CTNNA3: variants seen among roughly 807,000 people sequenced by gnomAD.
The protein encoded by CTNNA3 is catenin alpha 3.
CTNNA3 carries 76 observed loss-of-function variants against 95.7 expected under a neutral mutation model. The observed-to-expected ratio is 0.79, with a 90% CI of 0.66 to 0.96. The LOEUF (loss-of-function observed/expected upper bound fraction) is 0.96. Ranked by LOEUF, CTNNA3 falls within the 40% of genes least tolerant of loss-of-function variation. The pLI is 0.00. For synonymous variants in CTNNA3, 431 were observed against 374.4 expected, an observed-to-expected ratio of 1.15 and a Z score of -1.74; for missense variants, 1,191 against 1,089.8, an observed-to-expected ratio of 1.09 and a Z score of -1.31.
At chr10:66,230,475 T>C (rs1473267700) in intron 13 of CTNNA3, among the ~76,000 whole-genome samples, 4 of 152,190 alleles carry the variant, frequency 2.6e-5, no homozygotes, top group African/African-American at 9.6e-5. Context: ...GTCATCAGTG[T>C]CTGAGAGTGC....
intron 1 of CTNNA3, among the ~76,000 whole-genome samples, chr10:67,710,533 G>A (rs1269033604): frequency 6.6e-6 from 1 of 152,118 alleles, no homozygotes; most frequent in Non-Finnish European, 1.5e-5. Flanking sequence ...TGGGGGCCTA[G>A]CCTCCAGATG....
chr10:65,930,200 A>T (rs1016740833), intron 17 of CTNNA3, among the ~76,000 whole-genome samples: 4 of 33,138 alleles, frequency 1.2e-4, no homozygotes, highest in South Asian at 7.2e-4. Context: ...AGAGCTCAGT[A>T]AAAAAAAAAA....
intron 6 of CTNNA3, among the ~76,000 whole-genome samples, chr10:67,183,133 A>T (rs949438312): frequency 2.6e-5 from 4 of 152,226 alleles, no homozygotes; most frequent in African/African-American, 9.6e-5. Context: ...CAGTGTGGTG[A>T]TTCCTCAGGG....
chr10:66,879,412 A>G (rs1844756228), intron 7 of CTNNA3, among the ~76,000 whole-genome samples: 1 of 152,168 alleles, frequency 6.6e-6, no homozygotes, highest in African/African-American at 2.4e-5. Flanking sequence ...TAATGTTAAC[A>G]TTAACTTTAT....
intron 14 of CTNNA3, among the ~76,000 whole-genome samples, chr10:66,095,159 T>C (rs1361270422): frequency 6.6e-6 from 1 of 152,146 alleles, no homozygotes; most frequent in Admixed American, 6.6e-5. Flanking sequence ...CATATGATAT[T>C]TGAAATCTTG....
intron 11 of CTNNA3, among the ~76,000 whole-genome samples, chr10:66,389,335 T>C (rs1050429978): frequency 3.3e-5 from 5 of 152,126 alleles, no homozygotes; most frequent in Admixed American, 6.6e-5. Flanking sequence ...TTTTGAAGGA[T>C]TGTCACATAG....
chr10:66,688,536 C>A (rs567398486), intron 9 of CTNNA3, among the ~76,000 whole-genome samples: 1 of 152,274 alleles, frequency 6.6e-6, no homozygotes, highest in African/African-American at 2.4e-5. Context: ...GTGACATCTT[C>A]TCTGACACTA....
At chr10:66,942,934 T>A (rs1848087402) in intron 7 of CTNNA3, among the ~76,000 whole-genome samples, 1 of 152,206 alleles carries the variant, frequency 6.6e-6, no homozygotes, top group Admixed American at 6.5e-5. Context: ...AGAATTCCAA[T>A]GGGCACTTAA....
At chr10:65,969,409 C>T (rs1195724132) in intron 16 of CTNNA3, among the ~76,000 whole-genome samples, 1 of 152,160 alleles carries the variant, frequency 6.6e-6, no homozygotes, top group Admixed American at 6.5e-5. Flanking sequence ...CATACTAGTT[C>T]TCCAGCTATG....
chr10:67,720,128 G>GTTTTTTTTTTTTTTTTTTT (rs1564839853), intron 1 of CTNNA3, among the ~76,000 whole-genome samples: 1 of 2,664 alleles, frequency 3.8e-4, no homozygotes. Context: ...TGCAACCCCT[G>GTTTTTTTTTTTTTTTTTTT]CTTTTTTTTT....
chr10:66,502,565 A>G lies in CTNNA3; in HGVS notation c.1531+18052T>C, dbSNP rs192080121. Among the ~76,000 whole-genome samples the G allele has an allele frequency of 2.2e-4, 34 of 152,236 alleles. 1 individual carries two copies. The highest frequency in any genetic ancestry group is 7.5e-4 in the African/African-American group (31 of 41,546). On this transcript the variant is annotated intron_variant, in intron 11 of 17. Coordinates refer to ENST00000433211, the MANE Select transcript of CTNNA3 (RefSeq NM_013266.4). Reference sequence around the variant, plus strand: ...TCCCTCTCTAAAGTTAATCACTGTTATGTATTTGATACACATGGCATTTAT... The same window carrying G: ...TCCCTCTCTAAAGTTAATCACTGTTGTGTATTTGATACACATGGCATTTAT...
At chr10:67,315,701 A>G (rs1342499750) in intron 5 of CTNNA3, among the ~76,000 whole-genome samples, 3 of 152,210 alleles carry the variant, frequency 2.0e-5, no homozygotes, top group African/African-American at 4.8e-5. Context: ...GTTATTAAAT[A>G]GCTTTAATAA....
chr10:66,969,675 T>C (rs2132819529), intron 7 of CTNNA3, among the ~76,000 whole-genome samples: 1 of 152,262 alleles, frequency 6.6e-6, no homozygotes, highest in East Asian at 1.9e-4. Flanking sequence ...TTAAGATCTC[T>C]TTTACAATTT....
chr10:67,191,334 T>C (rs1449864024), intron 6 of CTNNA3, among the ~76,000 whole-genome samples: 6 of 152,086 alleles, frequency 3.9e-5, no homozygotes, highest in Non-Finnish European at 4.4e-5. Context: ...GCAGATTATA[T>C]AATATTATGT....
rs945418809 is a variant in CTNNA3, at chr10:66,112,277, T to C, written c.1885-9028A>G. 3.9e-5 allele frequency among the ~76,000 whole-genome samples: 6 copies of C among 152,280 alleles called. No individual in the cohort carries two copies. The East Asian group carries it at 1.2e-3, about 29-fold the overall frequency. The stretch of plus-strand genomic sequence containing the variant: ...TGGCACACAGTCAGTACTCAGTAAA[T>C]ACATATTTTATTGAGTTAATGCAAC... On this transcript the variant is annotated intron_variant, in intron 13 of 17. Coordinates refer to ENST00000433211, the MANE Select transcript of CTNNA3 (RefSeq NM_013266.4).
intron 11 of CTNNA3, among the ~76,000 whole-genome samples, chr10:66,483,366 CT>C (rs34940403): frequency 7.3e-5 from 11 of 150,890 alleles, no homozygotes; most frequent in South Asian, 2.1e-4. Context: ...GAAAACTTGG[CT>C]TTTTTTTTAT....
intron 17 of CTNNA3, among the ~76,000 whole-genome samples, chr10:65,935,787 A>G (rs1405962386): frequency 6.6e-6 from 1 of 152,160 alleles, no homozygotes. Context: ...ATCAAGCACA[A>G]CATGCATTCT....
intron 3 of CTNNA3, among the ~76,000 whole-genome samples, chr10:67,553,583 G>T (rs1173859799): frequency 6.6e-6 from 1 of 152,056 alleles, no homozygotes; most frequent in African/African-American, 2.4e-5. Flanking sequence ...TTGAGGAATG[G>T]CATTTAAAAA....
intron 9 of CTNNA3, among the ~76,000 whole-genome samples, chr10:66,662,042 G>C (rs965591265): frequency 6.6e-6 from 1 of 152,126 alleles, no homozygotes; most frequent in Non-Finnish European, 1.5e-5. Flanking sequence ...TGCCGCAAGT[G>C]ACCTCTACAT....
Sources: gnomAD v4.1 joint callset for allele counts (sites outside exome capture counted in the v4.1 genomes callset) on GRCh38, gnomAD v4.1.1 for gene constraint, MANE v1.5 for transcripts, NCBI Gene and HGNC (gene_info 2026-07-23, HGNC 2026-07-21) for gene names.